Variants in UBN2 observed in about 807,000 individuals in gnomAD.
UBN2 encodes ubinuclein 2, also known as ubinuclein-2.
Under a neutral mutation model 120.2 loss-of-function variants are expected in UBN2, and 35 were observed. That is an observed-to-expected ratio of 0.29 (90% CI 0.22 to 0.39). The LOEUF (loss-of-function observed/expected upper bound fraction) is 0.39, where lower values mean the gene tolerates loss of function less well. UBN2 is among the 10% of genes least tolerant of loss of function. The pLI is 1.00. For synonymous variants in UBN2, 661 were observed against 648.7 expected (o/e 1.02, Z -0.29); for missense variants, 1,693 against 1,663.2 (o/e 1.02, Z -0.31).
At position 139,296,553 on chromosome 7, in the gene UBN2, A is replaced by G. The variant is rs192187186; in HGVS notation, c.3995-1234A>G. On this transcript the variant is annotated intron_variant, in intron 17 of 17. Coordinates refer to ENST00000473989, the MANE Select transcript of UBN2 (RefSeq NM_173569.4). ...AGGCCTCATTTTTCTTGCTAAGGCC[A>G]TGACCTGTTGGAGACTTTCTCCATA... 1.1e-3 allele frequency among the ~76,000 whole-genome samples: 167 copies of G among 152,272 alleles called. 1 individual carries two copies. Among genetic ancestry groups the G allele is most frequent in the African/African-American group, 3.7e-3 (154 of 41,546 alleles).
At position 139,261,414 on chromosome 7, in the gene UBN2, TA is replaced by T; in HGVS notation, c.1071del (p.Lys357AsnfsTer16). On this transcript the variant is annotated frameshift_variant, in exon 6 of 18. Transcript: ENST00000473989. LOFTEE classifies it high-confidence loss of function. ...TGACCTTGTCAACCCCTTCTCTGAATAAACCCCCATGTGCTGCTGCAGCACT... is the reference window on the plus strand; with the variant it reads ...TGACCTTGTCAACCCCTTCTCTGAATAACCCCCATGTGCTGCTGCAGCACT... ...PVTLSTPSLN[K>X]PPCAAAALGN... is the part of the protein sequence containing the mutation. 1 of 1,614,214 alleles carries T rather than the reference TA, an allele frequency of 6.2e-7. No homozygotes were observed. Among genetic ancestry groups the T allele is most frequent in the Non-Finnish European group, 8.5e-7 (1 of 1,180,038 alleles).
chr7:139,302,844 A>G lies in UBN2; in HGVS notation c.*5008A>G, dbSNP rs561192688. The G allele has an allele frequency of 6.6e-5, 10 of 152,176 alleles. No homozygotes were observed. The highest frequency in any genetic ancestry group is 2.2e-4 in the African/African-American group (9 of 41,534). 9.4% of individuals were successfully genotyped at this position (152,176 alleles called of 1,614,324 possible). A position where few individuals can be genotyped will look rare whatever the true frequency, so the allele number is the denominator to read the frequency against. Reference sequence around the variant, plus strand: ...AAATAAACTTAGTGAATCATTGACTATTCTTGGATATAACCCACTTTTCTG... The same window carrying G: ...AAATAAACTTAGTGAATCATTGACTGTTCTTGGATATAACCCACTTTTCTG... On this transcript the variant is annotated 3_prime_UTR_variant, in exon 18 of 18. Coordinates refer to ENST00000473989, the MANE Select transcript of UBN2 (RefSeq NM_173569.4).
intron 15 of UBN2, among the ~76,000 whole-genome samples, chr7:139,293,026 A>C (rs1446003868): frequency 6.6e-6 from 1 of 152,144 alleles, no homozygotes; most frequent in Non-Finnish European, 1.5e-5. Flanking sequence ...GAATTAGTAG[A>C]TTGAGAGAGT....
At chr7:139,263,474 A>G (rs1259541523) in intron 6 of UBN2, among the ~76,000 whole-genome samples, 1 of 152,126 alleles carries the variant, frequency 6.6e-6, no homozygotes, top group Non-Finnish European at 1.5e-5. Context: ...CAGCATTTTT[A>G]AAAAATGAAA....
chr7:139,297,590 ATTG>A (rs1286315653), intron 17 of UBN2, among the ~76,000 whole-genome samples, 194 bp from the exon 18 acceptor site: 4 of 152,316 alleles, frequency 2.6e-5, no homozygotes, highest in Admixed American at 6.5e-5. Context: ...GAAGAGGATC[ATTG>A]TTGTTGAGTT....
In UBN2 at chr7:139,301,522, G is replaced by A. The variant is rs1255539872; in HGVS notation, c.*3686G>A. ...CTGCTACATTTGTAAAATGAACTTTGCCTGTATTGGTTGACTTTAATTTAC... is the reference window on the plus strand; with the variant it reads ...CTGCTACATTTGTAAAATGAACTTTACCTGTATTGGTTGACTTTAATTTAC... On this transcript the variant is annotated 3_prime_UTR_variant, in exon 18 of 18. Transcript: ENST00000473989. 6.6e-6 allele frequency: 1 copy of A among 152,116 alleles called. No individual in the cohort carries two copies. Among genetic ancestry groups the A allele is most frequent in the African/African-American group, 2.4e-5 (1 of 41,414 alleles). The allele number at this position is 152,116 out of a possible 1,614,324, so 9.4% of individuals were successfully genotyped here. A position where few individuals can be genotyped will look rare whatever the true frequency, so the allele number is the denominator to read the frequency against.
At chr7:139,275,149 G>C (rs1797403906) in intron 11 of UBN2, among the ~76,000 whole-genome samples, 1 of 151,200 alleles carries the variant, frequency 6.6e-6, no homozygotes, top group Non-Finnish European at 1.5e-5. Context: ...ATGGTGGTGG[G>C]CACCTGTAAT....
chr7:139,235,971 C>T (rs1448210212), intron 1 of UBN2, among the ~76,000 whole-genome samples: 1 of 152,130 alleles, frequency 6.6e-6, no homozygotes, highest in Non-Finnish European at 1.5e-5. Flanking sequence ...TTTTCTTGCT[C>T]TTCAGGGTCC....
At chr7:139,239,087 A>G (rs1443139936) in intron 2 of UBN2, among the ~76,000 whole-genome samples, 2 of 152,190 alleles carry the variant, frequency 1.3e-5, no homozygotes, top group East Asian at 3.8e-4. Context: ...TTGCCCACCC[A>G]TGGAATCCCA....
intron 2 of UBN2, among the ~76,000 whole-genome samples, chr7:139,244,110 G>A (rs1796396008): frequency 6.6e-6 from 1 of 152,160 alleles, no homozygotes; most frequent in Non-Finnish European, 1.5e-5. Context: ...TCACTCCTTA[G>A]AGACACTGTG....
At chr7:139,273,866 T>C (rs1450068023) in intron 10 of UBN2, 65 bp from the exon 11 acceptor site, 22 of 1,382,046 alleles carry the variant, frequency 1.6e-5, no homozygotes, top group Non-Finnish European at 2.1e-5. Flanking sequence ...ACATAATCTG[T>C]ATTATTGCTG....
chr7:139,325,005 A>G, the UBN2 span, among the ~76,000 whole-genome samples: 18 of 152,110 alleles, frequency 1.2e-4, no homozygotes, highest in African/African-American at 3.4e-4. Context: ...ACAACGAAAC[A>G]TACTGAATTA....
intron 6 of UBN2, among the ~76,000 whole-genome samples, chr7:139,265,252 T>C (rs1797060837): frequency 6.6e-6 from 1 of 152,028 alleles, no homozygotes; most frequent in Non-Finnish European, 1.5e-5. Context: ...TCCCAGCACT[T>C]TGGGAGGCTG....
At chr7:139,262,584 G>A (rs573076405) in intron 6 of UBN2, among the ~76,000 whole-genome samples, 69 of 151,998 alleles carry the variant, frequency 4.5e-4, no homozygotes, top group African/African-American at 1.6e-3. Context: ...GTGTGGTGGC[G>A]CGTGCCTGTA....
In UBN2 at chr7:139,293,317, C is replaced by G. The variant is rs368585750; in HGVS notation, c.3755C>G (p.Thr1252Ser). The change falls in exon 16 of 18, where the codon ACT becomes AGT. Residue 1252 changes from threonine (T) to serine (S), a missense_variant. This residue lies in a region of UBN2 where 837 missense variants were observed against 817.6 expected (regional missense o/e 1.02). Transcript: ENST00000473989. ...TTGTCTGTAACAAATCAAAATGTGA[C>G]TCCTTTTGGGATGCTGGGTGGCCTT... is the stretch of plus-strand genomic sequence containing the variant. ...SPLSVTNQNV[T>S]PFGMLGGLVP... The G allele has an allele frequency of 1.9e-6, 3 of 1,614,088 alleles. No individual in the cohort carries two copies. In the African/African-American group the frequency reaches 4.0e-5, roughly 22 times the overall value.
intron 1 of UBN2, among the ~76,000 whole-genome samples, chr7:139,232,466 G>T (rs2130918947): frequency 6.6e-6 from 1 of 152,292 alleles, no homozygotes; most frequent in Admixed American, 6.5e-5. Context: ...AGGTGTGCTT[G>T]CGTGCCTGTG....
chr7:139,320,236 C>A, the UBN2 span, among the ~76,000 whole-genome samples: 5 of 151,630 alleles, frequency 3.3e-5, no homozygotes, highest in Non-Finnish European at 7.4e-5. Context: ...CCAAGGCGGG[C>A]GGATCACCTG....
intron 2 of UBN2, among the ~76,000 whole-genome samples, chr7:139,244,466 G>T (rs1490191750): frequency 6.6e-6 from 1 of 151,958 alleles, no homozygotes; most frequent in African/African-American, 2.4e-5. Flanking sequence ...GAGCCTAGGA[G>T]TTCAAGACCA....
chr7:139,243,153 T>C (rs1463256354), intron 2 of UBN2, among the ~76,000 whole-genome samples: 5 of 152,190 alleles, frequency 3.3e-5, no homozygotes, highest in African/African-American at 1.2e-4. Context: ...TGAGGCTGCA[T>C]TGGCCTAAAA....
Sources: allele counts gnomAD v4.1 joint callset (sites outside exome capture counted in the v4.1 genomes callset), GRCh38; gene constraint gnomAD v4.1.1; regional missense constraint gnomAD v4.1.1; transcripts MANE v1.5; gene names NCBI Gene and HGNC (gene_info 2026-07-23, HGNC 2026-07-21).